Variants in RBFOX1 observed in about 807,000 individuals in gnomAD.
RBFOX1 encodes the protein RNA binding protein fox-1 homolog 1.
RBFOX1 carries 8 observed loss-of-function variants against 57.7 expected under a neutral mutation model. That is an observed-to-expected ratio of 0.14 (90% CI 0.08 to 0.25). The LOEUF is 0.25. Among genes scored for constraint, RBFOX1 ranks in the 10% least tolerant of loss-of-function variants. The pLI, the probability that RBFOX1 is intolerant of heterozygous loss-of-function variation, is 1.00. For missense variants in RBFOX1, 611 were observed against 548.5 expected (o/e 1.11, Z -1.14); for synonymous variants, 326 against 222.4 (o/e 1.47, Z -4.15).
intron 2 of RBFOX1, among the ~76,000 whole-genome samples, chr16:6,453,122 A>G (rs1338529073): frequency 6.6e-6 from 1 of 151,648 alleles, no homozygotes; most frequent in Non-Finnish European, 1.5e-5. Context: ...TTTTTTAATT[A>G]TTATCATCCT....
At chr16:6,090,320 G>A (rs1446135020) in intron 1 of RBFOX1, among the ~76,000 whole-genome samples, 1 of 152,142 alleles carries the variant, frequency 6.6e-6, no homozygotes, top group East Asian at 1.9e-4. Context: ...TGCCCTGTAA[G>A]GTAAAATATA....
intron 2 of RBFOX1, among the ~76,000 whole-genome samples, chr16:5,485,440 C>A (rs2069699685): frequency 7.6e-6 from 1 of 132,060 alleles, no homozygotes; most frequent in African/African-American, 2.7e-5. Context: ...GTGAGATCAT[C>A]AGTACCATTT....
At chr16:6,635,259 G>T (rs983333698) in intron 2 of RBFOX1, among the ~76,000 whole-genome samples, 9 of 151,228 alleles carry the variant, frequency 6.0e-5, no homozygotes, top group Admixed American at 5.9e-4. Context: ...CACTAAAAAT[G>T]ATTTTTTGGA....
intron 3 of RBFOX1, among the ~76,000 whole-genome samples, chr16:6,891,604 C>T (rs2065443066): frequency 6.6e-6 from 1 of 152,188 alleles, no homozygotes; most frequent in Non-Finnish European, 1.5e-5. Context: ...CACCATTGTT[C>T]CAAATCACTG....
chr16:6,222,027 C>G lies in RBFOX1; in HGVS notation c.-126-94968C>G, dbSNP rs755353188. Among the ~76,000 whole-genome samples the G allele has an allele frequency of 1.1e-3, 170 of 152,072 alleles. 1 individual carries two copies. Among genetic ancestry groups the G allele is most frequent in the Non-Finnish European group, 2.3e-3 (155 of 68,022 alleles). ...TTTCCTCATGTCACTTTTTAATGAG[C>G]AAGTCATGCACAAGACACCATATTT... On this transcript the variant is annotated intron_variant, in intron 1 of 15. Transcript: ENST00000550418.
At chr16:6,955,281 C>T (rs1015899329) in intron 3 of RBFOX1, among the ~76,000 whole-genome samples, 6 of 151,868 alleles carry the variant, frequency 4.0e-5, no homozygotes, top group African/African-American at 1.5e-4. Flanking sequence ...CTAGAACTCC[C>T]TAGCGTACGA....
intron 3 of RBFOX1, among the ~76,000 whole-genome samples, chr16:6,719,592 C>G (rs1417457809): frequency 6.6e-6 from 1 of 151,738 alleles, no homozygotes; most frequent in Non-Finnish European, 1.5e-5. Flanking sequence ...AGGTGCCCAT[C>G]ACCACGCCCG....
chr16:6,107,337 C>T (rs74004742), intron 1 of RBFOX1, among the ~76,000 whole-genome samples: 2,857 of 152,054 alleles, frequency 0.019, 87 homozygotes, highest in African/African-American at 0.063. Context: ...ACTTTCCTAA[C>T]ACAGCATTAA....
At chr16:7,061,019 C>G (rs1403384492) in intron 4 of RBFOX1, among the ~76,000 whole-genome samples, 2 of 96,308 alleles carry the variant, frequency 2.1e-5, no homozygotes, top group Non-Finnish European at 4.4e-5. Flanking sequence ...CATGTATGTT[C>G]TCCTGTGTGT....
chr16:5,293,236 C>T (rs894164234), intron 1 of RBFOX1, among the ~76,000 whole-genome samples: 11 of 152,114 alleles, frequency 7.2e-5, no homozygotes, highest in East Asian at 3.9e-4. Context: ...CAGGAGTTAT[C>T]GCTTGAACCT....
intron 2 of RBFOX1, among the ~76,000 whole-genome samples, chr16:5,540,445 A>G (rs1005031856): frequency 3.9e-5 from 6 of 152,188 alleles, no homozygotes; most frequent in African/African-American, 1.4e-4. Context: ...ATGGCACACC[A>G]ATTAACTCTT....
intron 4 of RBFOX1, among the ~76,000 whole-genome samples, chr16:7,083,155 A>T (rs531306279): frequency 1.7e-4 from 26 of 152,158 alleles, no homozygotes; most frequent in Admixed American, 1.6e-3. Flanking sequence ...AATTTAAAAC[A>T]TAGAAATAAT....
At chr16:7,148,868 T>C (rs1666546670) in intron 4 of RBFOX1, among the ~76,000 whole-genome samples, 1 of 152,166 alleles carries the variant, frequency 6.6e-6, no homozygotes, top group South Asian at 2.1e-4. Flanking sequence ...CCATCACCTT[T>C]TTCATTCTTC....
chr16:5,642,200 G>A (rs1187825851), intron 3 of RBFOX1, among the ~76,000 whole-genome samples: 1 of 152,184 alleles, frequency 6.6e-6, no homozygotes, highest in Non-Finnish European at 1.5e-5. Context: ...TCCCTTCACT[G>A]CCCAAGCAGG....
chr16:7,163,577 C>G lies in RBFOX1; in HGVS notation c.27+111479C>G, dbSNP rs1032412572. On this transcript the variant is annotated intron_variant, in intron 4 of 15. Transcript: ENST00000550418. Reference sequence around the variant, plus strand: ...CACCTAGAATCTCAATAAGCTCTTTCATCATCTCAGTTTCTACAGAGCAGA... The same window carrying G: ...CACCTAGAATCTCAATAAGCTCTTTGATCATCTCAGTTTCTACAGAGCAGA... Among the ~76,000 whole-genome samples the G allele has an allele frequency of 3.3e-5, 5 of 152,144 alleles. No homozygotes were observed. The South Asian group carries it at 1.0e-3, about 32-fold the overall frequency.
chr16:6,042,503 A>C (rs2095448474), intron 1 of RBFOX1, among the ~76,000 whole-genome samples: 1 of 152,170 alleles, frequency 6.6e-6, no homozygotes, highest in African/African-American at 2.4e-5. Context: ...ACCGCAATCC[A>C]TCTGCAAACT....
At chr16:5,743,635 A>G (rs895701504) in intron 3 of RBFOX1, among the ~76,000 whole-genome samples, 1 of 152,202 alleles carries the variant, frequency 6.6e-6, no homozygotes, top group African/African-American at 2.4e-5. Context: ...AAATTAAAAA[A>G]TCACACATGA....
intron 4 of RBFOX1, among the ~76,000 whole-genome samples, chr16:7,381,020 T>C (rs1187734627): frequency 2.0e-5 from 3 of 152,384 alleles, no homozygotes; most frequent in East Asian, 1.9e-4. Flanking sequence ...TGAAACACTT[T>C]CTTGGTATTT....
At chr16:6,134,835 A>G (rs1484195980) in intron 1 of RBFOX1, among the ~76,000 whole-genome samples, 1 of 123,656 alleles carries the variant, frequency 8.1e-6, no homozygotes, top group Non-Finnish European at 1.8e-5. Context: ...ATCTTACCCC[A>G]GGCAGGCCAT....
Sources: allele counts gnomAD v4.1 joint callset (sites outside exome capture counted in the v4.1 genomes callset), GRCh38; gene constraint gnomAD v4.1.1; transcripts MANE v1.5; gene names NCBI Gene and HGNC (gene_info 2026-07-23, HGNC 2026-07-21).